Variants in GRID2 observed in about 807,000 individuals in gnomAD.
GRID2 encodes the protein glutamate ionotropic receptor delta type subunit 2, also known as glutamate receptor ionotropic, delta-2.
GRID2 carries 33 observed loss-of-function variants against 114.8 expected under a neutral mutation model. The ratio of observed to expected loss-of-function variants is 0.29; its 90% confidence interval spans 0.22 to 0.38. The LOEUF is 0.38. Ranked by LOEUF, GRID2 falls within the 10% of genes least tolerant of loss-of-function variation. The probability of loss-of-function intolerance (pLI) is 1.00; values close to 1 mark genes in which losing one functional copy is unlikely to be tolerated. For synonymous variants in GRID2, 505 were observed against 449.9 expected (o/e 1.12, Z -1.55); for missense variants, 1,184 against 1,257.7 (o/e 0.94, Z 0.89).
intron 1 of GRID2, among the ~76,000 whole-genome samples, chr4:92,367,874 A>G (rs532031232): frequency 1.4e-4 from 21 of 152,174 alleles, no homozygotes; most frequent in African/African-American, 5.1e-4. Flanking sequence ...GTCTTCTTAG[A>G]CAGTTCTGTA....
intron 12 of GRID2, among the ~76,000 whole-genome samples, chr4:93,514,159 T>G (rs1729463857): frequency 6.6e-6 from 1 of 152,110 alleles, no homozygotes. Flanking sequence ...TCATTAGAGT[T>G]GGGCACCTAC....
intron 10 of GRID2, among the ~76,000 whole-genome samples, chr4:93,448,340 C>G (rs72668729): frequency 6.6e-6 from 1 of 151,064 alleles, no homozygotes; most frequent in Non-Finnish European, 1.5e-5. Context: ...AAAGAAAAAC[C>G]TACCAAAGAA....
intron 1 of GRID2, among the ~76,000 whole-genome samples, chr4:92,498,668 T>C (rs1723516779): frequency 6.6e-6 from 1 of 151,854 alleles, no homozygotes; most frequent in African/African-American, 2.4e-5. Context: ...GCTGCTTGAA[T>C]TGTGAGTCTA....
At position 92,914,387 on chromosome 4, in the gene GRID2, A is replaced by G. The variant is rs115214783; in HGVS notation, c.245-170608A>G. ...AAGAAACATATATCTATGTTCTTCA[A>G]ATATTATTTCTCTAATCTTTGGAAA... On this transcript the variant is annotated intron_variant, in intron 2 of 15. Transcript: ENST00000282020. Among the ~76,000 whole-genome samples the G allele has an allele frequency of 4.7e-3, 717 of 152,234 alleles. 6 individuals are homozygous for G. Among genetic ancestry groups the G allele is most frequent in the African/African-American group, 0.016 (675 of 41,558 alleles).
At position 93,795,308 on chromosome 4, in the gene GRID2, T is replaced by C. The variant is rs979582374; in HGVS notation, c.222-11407T>C. 7.2e-5 allele frequency among the ~76,000 whole-genome samples: 11 copies of C among 152,072 alleles called. 1 individual carries two copies. Among genetic ancestry groups the C allele is most frequent in the South Asian group, 4.1e-4 (2 of 4,820 alleles). ...AATCACAATAAGGCAAAAAGACTTATAGAAGCATCATGAAGAAAAAGACTA... is the reference window on the plus strand; with the variant it reads ...AATCACAATAAGGCAAAAAGACTTACAGAAGCATCATGAAGAAAAAGACTA... On this transcript the variant is annotated intron_variant, in intron 1 of 1. Coordinates refer to the GRID2 transcript ENST00000637838.
chr4:93,131,145 A>ATTTTTTTTTTTTTTTTTTTTTT (rs34215461), intron 4 of GRID2, among the ~76,000 whole-genome samples: 18 of 88,748 alleles, frequency 2.0e-4, no homozygotes, highest in East Asian at 3.7e-4. Flanking sequence ...AGATTAAATA[A>ATTTTTTTTTTTTTTTTTTTTTT]TTTTTTTTTT....
At chr4:93,198,633 G>A (rs1474901812) in intron 4 of GRID2, among the ~76,000 whole-genome samples, 1 of 152,046 alleles carries the variant, frequency 6.6e-6, no homozygotes, top group Non-Finnish European at 1.5e-5. Context: ...AAGCATAAGG[G>A]TTGGGATAAT....
chr4:92,617,186 C>A (rs1730043553), intron 2 of GRID2, among the ~76,000 whole-genome samples: 1 of 151,006 alleles, frequency 6.6e-6, no homozygotes. Context: ...TGTCTGTGTA[C>A]CCTTACTACC....
At chr4:93,753,674 T>C (rs947691595) in intron 14 of GRID2, among the ~76,000 whole-genome samples, 1 of 152,168 alleles carries the variant, frequency 6.6e-6, no homozygotes, top group African/African-American at 2.4e-5. Context: ...GACATGAACT[T>C]ATCCTTTTTA....
chr4:93,549,093 C>T (rs1159649389), intron 13 of GRID2, among the ~76,000 whole-genome samples: 3 of 150,056 alleles, frequency 2.0e-5, no homozygotes, highest in African/African-American at 7.6e-5. Context: ...ATAGCTTAAA[C>T]AATGCAGCAT....
At chr4:93,034,231 C>G (rs1015960227) in intron 2 of GRID2, among the ~76,000 whole-genome samples, 1 of 152,188 alleles carries the variant, frequency 6.6e-6, no homozygotes. Flanking sequence ...GAAGAAAACT[C>G]AGACAAAAAC....
In GRID2 at chr4:92,848,749, A is replaced by G. The variant is rs576717712; in HGVS notation, c.245-236246A>G. Among the ~76,000 whole-genome samples, 210 of 152,014 alleles carry G rather than the reference A, an allele frequency of 1.4e-3. 1 individual carries two copies. The highest frequency in any genetic ancestry group is 4.7e-3 in the African/African-American group (197 of 41,512). ...TATTTTGGAGATAGGGTCTTTAAAG[A>G]GGAGATTAAGTTTAAATGACACAGT... On this transcript the variant is annotated intron_variant, in intron 2 of 15. Transcript: ENST00000282020.
chr4:93,138,574 G>C (rs1735482836), intron 4 of GRID2, among the ~76,000 whole-genome samples: 1 of 152,034 alleles, frequency 6.6e-6, no homozygotes, highest in Non-Finnish European at 1.5e-5. Context: ...TTCAGATACT[G>C]CTGTAACTAC....
In GRID2 at chr4:92,670,820, T is replaced by C. The variant is rs557718207; in HGVS notation, c.244+80534T>C. The stretch of plus-strand genomic sequence containing the variant: ...AAAACCGGGGCTTAGAGAGGATAAG[T>C]AGTTGGTCCAAGGTCAGCTTGAGGT... On this transcript the variant is annotated intron_variant, in intron 2 of 15. Transcript: ENST00000282020. 1.6e-3 allele frequency among the ~76,000 whole-genome samples: 243 copies of C among 152,190 alleles called. 2 individuals carry two copies. The highest frequency in any genetic ancestry group is 2.7e-3 in the African/African-American group (112 of 41,558).
At chr4:93,064,051 A>ATG (rs1728044606) in intron 2 of GRID2, among the ~76,000 whole-genome samples, 1 of 45,926 alleles carries the variant, frequency 2.2e-5, no homozygotes, top group Non-Finnish European at 4.2e-5. Context: ...TACGCTGTTA[A>ATG]TGTTACATTT....
intron 2 of GRID2, among the ~76,000 whole-genome samples, chr4:92,642,521 C>T (rs1244674315): frequency 1.3e-5 from 2 of 151,762 alleles, no homozygotes; most frequent in African/African-American, 4.8e-5. Context: ...TTCGTTGATT[C>T]CGGAGATGAG....
At chr4:93,700,367 G>T (rs1727403763) in intron 14 of GRID2, among the ~76,000 whole-genome samples, 1 of 152,094 alleles carries the variant, frequency 6.6e-6, no homozygotes, top group Non-Finnish European at 1.5e-5. Flanking sequence ...GGCAGCTTCA[G>T]TCTCACTGTG....
At chr4:93,319,580 A>C (rs1167251822) in intron 8 of GRID2, 1 of 152,096 alleles carries the variant, frequency 6.6e-6, no homozygotes, top group African/African-American at 2.4e-5. Flanking sequence ...GGAAGATCAC[A>C]CAGGTGGGCT....
intron 1 of GRID2, among the ~76,000 whole-genome samples, chr4:92,564,175 A>G (rs1046885257): frequency 3.3e-5 from 5 of 152,052 alleles, no homozygotes; most frequent in African/African-American, 1.2e-4. Flanking sequence ...TGTCTGTGGT[A>G]TTTAATACTT....
Sources: gnomAD v4.1 joint callset for allele counts (sites outside exome capture counted in the v4.1 genomes callset) on GRCh38, gnomAD v4.1.1 for gene constraint, MANE v1.5 for transcripts, NCBI Gene and HGNC (gene_info 2026-07-23, HGNC 2026-07-21) for gene names.